The following EIF4B variants were observed in gnomAD, a reference collection of about 807,000 sequenced individuals.
EIF4B encodes eukaryotic translation initiation factor 4B.
Under a neutral mutation model 79.3 loss-of-function variants are expected in EIF4B, and 8 were observed. The ratio of observed to expected loss-of-function variants is 0.10; its 90% CI spans 0.06 to 0.18. The LOEUF (loss-of-function observed/expected upper bound fraction) is 0.18, where lower values mean the gene tolerates loss of function less well. Ranked by LOEUF, EIF4B falls within the 10% of genes least tolerant of loss-of-function variation. The pLI, the probability that EIF4B is intolerant of heterozygous loss-of-function variation, is 1.00. For missense variants in EIF4B, 515 were observed against 792.4 expected, an observed-to-expected ratio of 0.65 and a Z score of 4.20; for synonymous variants, 238 against 274.7, an observed-to-expected ratio of 0.87 and a Z score of 1.32.
In EIF4B at chr12:53,022,522, A is replaced by G. The variant is rs1303034209; in HGVS notation, c.562A>G (p.Arg188Gly). ...GGATGATCGTTCTTTTGGCCGTGAT[A>G]GAAATCGGGATTCTGACAAAACAGA... Reference protein sequence around the residue: ...DRDDRSFGRDRNRDSDKTDTD... With the variant: ...DRDDRSFGRDGNRDSDKTDTD... The change falls in exon 6 of 15, where the codon AGA becomes GGA. Residue 188 changes from arginine (R) to glycine (G), a missense_variant. Physicochemically the swap from Arg to Gly is moderately radical, Grantham distance 125. Around this residue, in one of 6 missense-constraint regions of EIF4B, gnomAD observed 187 missense variants for 256.5 expected, o/e 0.73. Transcript: ENST00000262056. The G allele has an allele frequency of 1.9e-6, 3 of 1,613,304 alleles. No homozygotes were observed. In the Admixed American group the frequency reaches 5.0e-5, roughly 27 times the overall value.
At chr12:53,019,435 A>ATTTTTTTT (rs759250282) in intron 3 of EIF4B, among the ~76,000 whole-genome samples, 7 of 39,466 alleles carry the variant, frequency 1.8e-4, no homozygotes, top group Non-Finnish European at 3.7e-4. Flanking sequence ...ATATATATAT[A>ATTTTTTTT]TATTTTTTTT....
intron 12 of EIF4B, 60 bp from the exon 13 acceptor site, chr12:53,039,178 A>T: frequency 8.1e-7 from 1 of 1,235,950 alleles, no homozygotes; most frequent in Non-Finnish European, 1.2e-6. Flanking sequence ...GGGAAATCTT[A>T]GGAGAGGGAC....
intron 1 of EIF4B, chr12:53,008,723 C>G (rs993869767): frequency 6.6e-6 from 1 of 152,156 alleles, no homozygotes; most frequent in Non-Finnish European, 1.5e-5. Flanking sequence ...ACACTTAATT[C>G]CTTGCTTTGC....
rs552595153 is a variant in EIF4B, at chr12:53,034,532, GT to G, written c.1209-78del. 2.9e-4 allele frequency: 379 copies of G among 1,327,846 alleles called. 1 individual carries two copies. The African/African-American group carries it at 4.9e-3, about 17-fold the overall frequency. The allele number at this position is 1,327,846 out of a possible 1,614,324, so 82.3% of individuals were successfully genotyped here. ...ACACATATAGATGAAGTAAGTGATG[GT>G]TCTTGAGGGGTCAGCATGGGTCTAA... On this transcript the variant is annotated intron_variant, in intron 9 of 14. Coordinates refer to ENST00000262056, the MANE Select transcript of EIF4B (RefSeq NM_001417.7).
intron 4 of EIF4B, among the ~76,000 whole-genome samples, chr12:53,020,781 A>C (rs1299355092): frequency 6.6e-6 from 1 of 152,194 alleles, no homozygotes; most frequent in Non-Finnish European, 1.5e-5. Context: ...GTCAGTGTGA[A>C]ATAGAGATAA....
Position 53,038,372 on chromosome 12 carries a change from G to A in EIF4B, c.1537G>A (p.Ala513Thr). Reference sequence around the variant, plus strand: ...TCCTTCTAGTGGTGGGGGAAAAGTAGCTCCAGCTCAACCATCTGAGGAAGG... The same window carrying A: ...TCCTTCTAGTGGTGGGGGAAAAGTAACTCCAGCTCAACCATCTGAGGAAGG... ...QSPTSGGGKV[A>T]PAQPSEEGPG... is the part of the protein sequence containing the mutation. Residue 513 changes from alanine to threonine, a missense_variant, in exon 12 of 15, where the codon GCT (alanine) becomes ACT (threonine). Physicochemically the swap from Ala to Thr is moderately conservative, Grantham distance 58. Coordinates refer to ENST00000262056, the MANE Select transcript of EIF4B (RefSeq NM_001417.7). The A allele has an allele frequency of 6.3e-7, 1 of 1,599,972 alleles. No homozygotes were observed. The highest frequency in any genetic ancestry group is 2.3e-5 in the East Asian group (1 of 43,954).
chr12:53,018,667 CCCCCACTTTTTTTGG>C, intron 2 of EIF4B, 116 bp from the exon 3 acceptor site: 1 of 899,184 alleles, frequency 1.1e-6, no homozygotes. Context: ...TATTACTGAA[CCCCCACTTTTTTTGG>C]TCTGGTTTTC....
In EIF4B at chr12:53,014,406, C is replaced by T. The variant is rs544647991; in HGVS notation, c.14-2067C>T. ...CCAGCCTGTATGACAAAGCGAGACTCCGTCTCAAAAAAAAAAAAAAAAGCG... is the reference window on the plus strand; with the variant it reads ...CCAGCCTGTATGACAAAGCGAGACTTCGTCTCAAAAAAAAAAAAAAAAGCG... On this transcript the variant is annotated intron_variant, in intron 1 of 14. Coordinates refer to ENST00000262056, the MANE Select transcript of EIF4B (RefSeq NM_001417.7). Among the ~76,000 whole-genome samples, 189 of 150,142 alleles carry T rather than the reference C, an allele frequency of 1.3e-3. 1 individual carries two copies. The highest frequency in any genetic ancestry group is 2.1e-3 in the Non-Finnish European group (141 of 67,582).
At chr12:53,019,641 C>CA (rs1321452310) in intron 3 of EIF4B, among the ~76,000 whole-genome samples, 2 of 145,896 alleles carry the variant, frequency 1.4e-5, no homozygotes, top group Non-Finnish European at 3.0e-5. Flanking sequence ...GCTGGGACTA[C>CA]AGGCATGAGC....
chr12:53,008,124 C>T (rs1168141650), intron 1 of EIF4B, among the ~76,000 whole-genome samples: 2 of 152,220 alleles, frequency 1.3e-5, no homozygotes, highest in African/African-American at 4.8e-5. Flanking sequence ...CTTACTTGGT[C>T]TGGATTTGCC....
Position 53,034,717 on chromosome 12 carries a change from A to G in EIF4B, c.1306+8A>G. The G allele has an allele frequency of 3.1e-6, 5 of 1,614,072 alleles. No individual in the cohort carries two copies. The highest frequency in any genetic ancestry group is 4.2e-6 in the Non-Finnish European group (5 of 1,179,916). On this transcript the variant is annotated splice_region_variant and intron_variant, in intron 10 of 14. Transcript: ENST00000262056. ...CCACCACATCTAGCAGAAGTAAGTCAGACCAGGGTGGGTATCGTGTTATTG... is the reference window on the plus strand; with the variant it reads ...CCACCACATCTAGCAGAAGTAAGTCGGACCAGGGTGGGTATCGTGTTATTG...
intron 6 of EIF4B, 137 bp from the exon 7 acceptor site, chr12:53,027,645 C>A: frequency 7.1e-7 from 1 of 1,410,826 alleles, no homozygotes; most frequent in Non-Finnish European, 9.5e-7. Flanking sequence ...ACAATTATTT[C>A]ACCAGGGAAA....
At chr12:53,039,041 TTTTG>T (rs573078327) in intron 12 of EIF4B, 193 bp from the exon 13 acceptor site, 36 of 469,988 alleles carry the variant, frequency 7.7e-5, no homozygotes, top group South Asian at 1.5e-4. Context: ...TTTTAGTGGA[TTTTG>T]TTTGTTTTTT....
chr12:53,030,413 C>CTT (rs759061266), intron 8 of EIF4B, among the ~76,000 whole-genome samples: 1,697 of 42,940 alleles, frequency 0.04, 486 homozygotes, highest in Middle Eastern at 0.08. Flanking sequence ...AAATTATATT[C>CTT]TTTTTTTTTT....
At chr12:53,030,906 C>T (rs567100002) in intron 8 of EIF4B, among the ~76,000 whole-genome samples, 35 of 152,234 alleles carry the variant, frequency 2.3e-4, no homozygotes, top group African/African-American at 6.5e-4. Flanking sequence ...CTCATGTTCT[C>T]CTTGACTTCT....
chr12:53,040,114 A>G lies in EIF4B; in HGVS notation c.1756-29A>G, dbSNP rs776157955. ...TTTGATGTGATAATTCAGGGCCTTC[A>G]TTATCCTGTCACTCTCGTTGTGTTA... On this transcript the variant is annotated intron_variant, in intron 14 of 14. Coordinates refer to ENST00000262056, the MANE Select transcript of EIF4B (RefSeq NM_001417.7). 1.2e-5 allele frequency: 19 copies of G among 1,613,504 alleles called. No individual in the cohort carries two copies. The South Asian group carries it at 1.5e-4, about 13-fold the overall frequency.
At chr12:53,038,579 C>T (rs1943576789) in intron 12 of EIF4B, 168 bp downstream of exon 12, 6 of 387,518 alleles carry the variant, frequency 1.5e-5, no homozygotes, top group Non-Finnish European at 2.7e-5. Flanking sequence ...CTTTGGGAGG[C>T]CAAGGCGGGC....
intron 4 of EIF4B, among the ~76,000 whole-genome samples, chr12:53,021,245 G>A (rs578090471): frequency 1.7e-4 from 26 of 152,320 alleles, no homozygotes; most frequent in Non-Finnish European, 3.5e-4. Flanking sequence ...GACAAAGCAT[G>A]CTTTATGCAA....
intron 8 of EIF4B, among the ~76,000 whole-genome samples, 180 bp downstream of exon 8, chr12:53,028,368 G>C (rs1327485851): frequency 6.6e-6 from 1 of 152,036 alleles, no homozygotes; most frequent in Non-Finnish European, 1.5e-5. Context: ...ACAAGGTCAG[G>C]AGATCGAGAC....
Sources: gnomAD v4.1 joint callset for allele counts (sites outside exome capture counted in the v4.1 genomes callset) on GRCh38, gnomAD v4.1.1 for gene constraint, gnomAD v4.1.1 regional missense constraint, MANE v1.5 for transcripts, NCBI Gene and HGNC (gene_info 2026-07-23, HGNC 2026-07-21) for gene names.